NEGR1: variants seen among roughly 807,000 people sequenced by gnomAD.
NEGR1 encodes the protein neuronal growth regulator 1.
In NEGR1, 10 loss-of-function variants were observed where a neutral mutation model predicts 40.9. The observed-to-expected ratio is 0.24, with a 90% confidence interval of 0.15 to 0.42. The LOEUF is 0.42. NEGR1 is among the 10% of genes least tolerant of loss of function. The probability of loss-of-function intolerance (pLI) is 1.00; values close to 1 mark genes in which losing one functional copy is unlikely to be tolerated. For synonymous variants in NEGR1, 185 were observed against 166.8 expected, an observed-to-expected ratio of 1.11 and a Z score of -0.84; for missense variants, 352 against 438.9, an observed-to-expected ratio of 0.80 and a Z score of 1.77.
At chr1:71,750,070 T>C (rs1655518573) in intron 3 of NEGR1, among the ~76,000 whole-genome samples, 1 of 149,926 alleles carries the variant, frequency 6.7e-6, no homozygotes, top group Non-Finnish European at 1.5e-5. Flanking sequence ...CTCGGCTCAC[T>C]GCAAGCTCCG....
chr1:71,804,274 G>C (rs1170480848), intron 2 of NEGR1, among the ~76,000 whole-genome samples: 1 of 152,192 alleles, frequency 6.6e-6, no homozygotes, highest in Non-Finnish European at 1.5e-5. Flanking sequence ...CTGTTGCCAA[G>C]CTTCCCAACT....
intron 6 of NEGR1, among the ~76,000 whole-genome samples, chr1:71,500,410 T>C (rs1308654842): frequency 1.3e-5 from 2 of 152,068 alleles, no homozygotes; most frequent in Non-Finnish European, 2.9e-5. Flanking sequence ...TTTAATAAGA[T>C]TTAAAAAGTG....
At chr1:71,754,596 T>C (rs1655672596) in intron 3 of NEGR1, among the ~76,000 whole-genome samples, 1 of 151,902 alleles carries the variant, frequency 6.6e-6, no homozygotes, top group Non-Finnish European at 1.5e-5. Context: ...CCAGCAAATA[T>C]CCCACTTTTC....
chr1:71,891,505 CA>C (rs1660856084), intron 2 of NEGR1, among the ~76,000 whole-genome samples: 1 of 11,536 alleles, frequency 8.7e-5, no homozygotes, highest in Admixed American at 1.6e-3. Flanking sequence ...TACACTCTCC[CA>C]AGACTAAACC....
chr1:72,221,159 C>T (rs577860898), intron 1 of NEGR1, among the ~76,000 whole-genome samples: 4 of 152,134 alleles, frequency 2.6e-5, no homozygotes, highest in Non-Finnish European at 5.9e-5. Flanking sequence ...AGCTATAACT[C>T]GGTCTCTTAT....
intron 3 of NEGR1, among the ~76,000 whole-genome samples, chr1:71,726,648 A>G (rs1047372281): frequency 4.6e-5 from 7 of 152,066 alleles, no homozygotes; most frequent in Non-Finnish European, 1.0e-4. Context: ...TCTCAGAAAG[A>G]TTGAGGCTTC....
At chr1:72,124,197 G>T (rs1232997452) in intron 1 of NEGR1, among the ~76,000 whole-genome samples, 2 of 151,944 alleles carry the variant, frequency 1.3e-5, no homozygotes, top group Non-Finnish European at 2.9e-5. Context: ...CACCAAGGAG[G>T]TTTTCAGCTC....
intron 2 of NEGR1, among the ~76,000 whole-genome samples, chr1:71,916,724 C>T (rs1334483154): frequency 6.6e-6 from 1 of 152,128 alleles, no homozygotes; most frequent in South Asian, 2.1e-4. Flanking sequence ...CCATTGCACT[C>T]CAGCCTGGAC....
At chr1:71,842,371 T>C (rs1659272955) in intron 2 of NEGR1, among the ~76,000 whole-genome samples, 1 of 152,182 alleles carries the variant, frequency 6.6e-6, no homozygotes, top group African/African-American at 2.4e-5. Flanking sequence ...AAACTCATCA[T>C]GGACAGCATC....
intron 1 of NEGR1, among the ~76,000 whole-genome samples, chr1:72,055,038 T>A (rs938582583): frequency 6.6e-6 from 1 of 151,146 alleles, no homozygotes; most frequent in African/African-American, 2.4e-5. Context: ...TTTCCAAATA[T>A]TAAGTAATTA....
intron 4 of NEGR1, among the ~76,000 whole-genome samples, chr1:71,628,704 G>A (rs889760972): frequency 2.6e-5 from 4 of 151,830 alleles, no homozygotes; most frequent in Admixed American, 2.6e-4. Flanking sequence ...TGAGAATGAT[G>A]GTTTCCAGCT....
chr1:71,679,891 T>G (rs538710855), intron 4 of NEGR1, among the ~76,000 whole-genome samples: 32 of 152,076 alleles, frequency 2.1e-4, no homozygotes, highest in Non-Finnish European at 4.0e-4. Context: ...ATATGTTGTT[T>G]TATTAATTTT....
At chr1:71,535,352 G>A (rs761333178) in intron 6 of NEGR1, among the ~76,000 whole-genome samples, 2 of 151,684 alleles carry the variant, frequency 1.3e-5, no homozygotes, top group Non-Finnish European at 3.0e-5. Context: ...TCAATAAAAG[G>A]ATAGTAGAAA....
At chr1:72,268,573 A>T (rs187356000) in intron 1 of NEGR1, among the ~76,000 whole-genome samples, 1 of 151,486 alleles carries the variant, frequency 6.6e-6, no homozygotes, top group African/African-American at 2.4e-5. Flanking sequence ...TCAATGCATA[A>T]ATGCTGAAAT....
intron 1 of NEGR1, among the ~76,000 whole-genome samples, chr1:72,052,770 C>T (rs1179142612): frequency 6.6e-6 from 1 of 151,412 alleles, no homozygotes; most frequent in Non-Finnish European, 1.5e-5. Flanking sequence ...AAAAGTTTAA[C>T]TCAGCATATG....
At chr1:72,115,679 C>T (rs1375564088) in intron 1 of NEGR1, among the ~76,000 whole-genome samples, 1 of 151,678 alleles carries the variant, frequency 6.6e-6, no homozygotes, top group Non-Finnish European at 1.5e-5. Flanking sequence ...GGCTGGAGAG[C>T]TCTCCAGGTA....
rs1368096778 is a variant in NEGR1, at chr1:71,405,281, C to T, written c.*2165G>A. 2 of 152,230 alleles carry T rather than the reference C, an allele frequency of 1.3e-5. No individual in the cohort carries two copies. The highest frequency in any genetic ancestry group is 4.8e-5 in the African/African-American group (2 of 41,420). 9.4% of individuals were successfully genotyped at this position (152,230 alleles called of 1,614,324 possible). A position where few individuals can be genotyped will look rare whatever the true frequency, so the allele number is the denominator to read the frequency against. On this transcript the variant is annotated 3_prime_UTR_variant, in exon 7 of 7. Coordinates refer to ENST00000357731, the MANE Select transcript of NEGR1 (RefSeq NM_173808.3). ...GGTATTTTAACTCTAGGAAAGCGGT[C>T]ACTGAATAATATGCATTCTTGATCT...
chr1:72,255,123 A>G (rs542388596), intron 1 of NEGR1, among the ~76,000 whole-genome samples: 20 of 152,276 alleles, frequency 1.3e-4, no homozygotes, highest in African/African-American at 4.8e-4. Context: ...CCCTGAAATG[A>G]AGTTGATGTA....
intron 6 of NEGR1, among the ~76,000 whole-genome samples, chr1:71,536,618 A>G (rs1647524587): frequency 6.6e-6 from 1 of 151,734 alleles, no homozygotes; most frequent in Admixed American, 6.6e-5. Context: ...ATGGACTAGG[A>G]CAATTTTGGG....
Sources: allele counts gnomAD v4.1 joint callset (sites outside exome capture counted in the v4.1 genomes callset), GRCh38; gene constraint gnomAD v4.1.1; transcripts MANE v1.5; gene names NCBI Gene and HGNC (gene_info 2026-07-23, HGNC 2026-07-21).